Variants in TBC1D22A observed in about 807,000 individuals in gnomAD.
TBC1D22A encodes the protein TBC1 domain family member 22A.
In TBC1D22A, 38 loss-of-function variants were observed where a neutral mutation model predicts 60.2. The ratio of observed to expected loss-of-function variants is 0.63; its 90% CI spans 0.49 to 0.83. The LOEUF is 0.83. Ranked by LOEUF, TBC1D22A falls within the 40% of genes least tolerant of loss-of-function variation. The pLI is 0.00. For synonymous variants in TBC1D22A, 302 were observed against 281.7 expected, an observed-to-expected ratio of 1.07 and a Z score of -0.72; for missense variants, 628 against 701.0, an observed-to-expected ratio of 0.90 and a Z score of 1.18.
intron 5 of TBC1D22A, among the ~76,000 whole-genome samples, chr22:46,890,442 A>G (rs1380327047): frequency 6.6e-6 from 1 of 152,216 alleles, no homozygotes; most frequent in Admixed American, 6.5e-5. Context: ...ACCTTGTATC[A>G]GGTGTCATAA....
intron 7 of TBC1D22A, among the ~76,000 whole-genome samples, chr22:46,900,887 C>G (rs758955031): frequency 6.6e-6 from 1 of 152,192 alleles, no homozygotes; most frequent in Non-Finnish European, 1.5e-5. Context: ...AAGCAAACAT[C>G]CTGTTCTCAC....
chr22:46,873,275 A>G (rs372086630), intron 4 of TBC1D22A, among the ~76,000 whole-genome samples: 7 of 152,354 alleles, frequency 4.6e-5, no homozygotes, highest in African/African-American at 1.7e-4. Flanking sequence ...TGGCCAGTAA[A>G]CACATGAAAA....
intron 10 of TBC1D22A, among the ~76,000 whole-genome samples, chr22:47,015,128 A>G (rs1019488410): frequency 1.3e-5 from 2 of 152,220 alleles, no homozygotes; most frequent in African/African-American, 4.8e-5. Flanking sequence ...GGGGGCACAG[A>G]GCCACCGTCG....
In TBC1D22A at chr22:46,797,246, A is replaced by T. The variant is rs743144; in HGVS notation, c.461-198A>T. ...GCAAGGTGGTCCATTTTGTTGGTGA[A>T]TAATACTCTGCCAGTGAAGCGAGTG... On this transcript the variant is annotated intron_variant, in intron 3 of 12. Coordinates refer to ENST00000337137, the MANE Select transcript of TBC1D22A (RefSeq NM_014346.5). Among the ~76,000 whole-genome samples, 1,522 of 152,310 alleles carry T rather than the reference A, an allele frequency of 1.0e-2. 20 individuals are homozygous for T. The highest frequency in any genetic ancestry group is 0.035 in the African/African-American group (1,440 of 41,568).
At chr22:46,945,003 A>G (rs1351031583) in intron 8 of TBC1D22A, among the ~76,000 whole-genome samples, 1 of 152,222 alleles carries the variant, frequency 6.6e-6, no homozygotes, top group East Asian at 1.9e-4. Flanking sequence ...GATTGAAGGA[A>G]AATCTGGAAA....
chr22:46,775,007 A>T (rs2083643412), intron 1 of TBC1D22A, among the ~76,000 whole-genome samples: 1 of 152,256 alleles, frequency 6.6e-6, no homozygotes, highest in Admixed American at 6.5e-5. Context: ...AAACTAAAAA[A>T]TAAAATAGGC....
chr22:47,064,305 C>T (rs1464424986), intron 11 of TBC1D22A, among the ~76,000 whole-genome samples: 3 of 152,260 alleles, frequency 2.0e-5, no homozygotes, highest in East Asian at 1.9e-4. Flanking sequence ...GCGGTCATGC[C>T]GCTCTAAGCC....
intron 11 of TBC1D22A, among the ~76,000 whole-genome samples, chr22:47,080,620 T>TAAA (rs77313180): frequency 1.7e-5 from 2 of 115,440 alleles, no homozygotes; most frequent in African/African-American, 6.9e-5. Context: ...CATATACCTG[T>TAAA]AAAAATATAT....
intron 4 of TBC1D22A, among the ~76,000 whole-genome samples, chr22:46,807,959 C>A (rs1020986132): frequency 6.7e-6 from 1 of 149,314 alleles, no homozygotes; most frequent in African/African-American, 2.5e-5. Flanking sequence ...AGAGCAACAC[C>A]GTGTCTCTAA....
intron 10 of TBC1D22A, among the ~76,000 whole-genome samples, chr22:47,030,287 T>A (rs1044628089): frequency 3.9e-5 from 6 of 152,272 alleles, no homozygotes; most frequent in Non-Finnish European, 8.8e-5. Context: ...TGAGCCATTA[T>A]GCTGCTCTTC....
chr22:46,973,771 C>A (rs953146791), intron 8 of TBC1D22A, among the ~76,000 whole-genome samples: 3 of 152,134 alleles, frequency 2.0e-5, no homozygotes, highest in African/African-American at 2.4e-5. Flanking sequence ...TTATTTAGAG[C>A]GCCATTGTCT....
At chr22:46,977,862 T>C (rs1309971565) in intron 9 of TBC1D22A, among the ~76,000 whole-genome samples, 1 of 152,176 alleles carries the variant, frequency 6.6e-6, no homozygotes, top group Admixed American at 6.5e-5. Context: ...TGCTAACCCA[T>C]TAGAAACCGC....
At chr22:46,787,768 G>A (rs766837642) in intron 1 of TBC1D22A, among the ~76,000 whole-genome samples, 28 of 152,112 alleles carry the variant, frequency 1.8e-4, no homozygotes, top group Non-Finnish European at 4.0e-4. Flanking sequence ...AGAGGAGGCA[G>A]GTAGAGAACC....
Position 46,969,056 on chromosome 22 carries a change from A to AC in TBC1D22A, c.1016-5228dup, listed in dbSNP as rs1181640991. On this transcript the variant is annotated intron_variant, in intron 8 of 12. Coordinates refer to ENST00000337137, the MANE Select transcript of TBC1D22A (RefSeq NM_014346.5). ...GCCCTGCCCACTGGATGCCAGCAGC[A>AC]CCCCCCACCCTAATCATTCTGACCC... Among the ~76,000 whole-genome samples, 10 of 151,242 alleles carry AC rather than the reference A, an allele frequency of 6.6e-5. No homozygotes were observed. The East Asian group carries it at 1.8e-3, about 27-fold the overall frequency.
Position 47,028,221 on chromosome 22 carries a change from G to A in TBC1D22A, c.1202-8850G>A, listed in dbSNP as rs958075153. The stretch of plus-strand genomic sequence containing the variant: ...ACCTCTCTAGAGATGAAAAGATTGC[G>A]TGCTGTGGCGTCAGATAAACACCAT... On this transcript the variant is annotated intron_variant, in intron 10 of 12. Transcript: ENST00000337137. This position sits in a 1 kb window ranked among gnomAD's most constrained non-coding sequence, Gnocchi z 4.4. Among the ~76,000 whole-genome samples the A allele has an allele frequency of 2.0e-5, 3 of 152,204 alleles. No homozygotes were observed. The highest frequency in any genetic ancestry group is 7.2e-5 in the African/African-American group (3 of 41,434).
intron 5 of TBC1D22A, among the ~76,000 whole-genome samples, chr22:46,885,619 G>C (rs746265448): frequency 5.3e-5 from 8 of 152,186 alleles, no homozygotes; most frequent in Admixed American, 4.6e-4. Context: ...GCTCTGAGAC[G>C]GTTATCTGTG....
chr22:47,173,305 C>T (rs1443120183), intron 12 of TBC1D22A, among the ~76,000 whole-genome samples, 193 bp from the exon 13 acceptor site: 1 of 152,172 alleles, frequency 6.6e-6, no homozygotes, highest in Non-Finnish European at 1.5e-5. Flanking sequence ...CCTGGGTCAC[C>T]CACCCTCCAC....
chr22:47,161,813 G>A (rs748071952), intron 12 of TBC1D22A, among the ~76,000 whole-genome samples: 1 of 152,240 alleles, frequency 6.6e-6, no homozygotes, highest in African/African-American at 2.4e-5. Context: ...TCTAGCGTCC[G>A]CGAATACCCA....
chr22:46,816,672 T>A (rs1219646448), intron 4 of TBC1D22A, among the ~76,000 whole-genome samples: 3 of 152,208 alleles, frequency 2.0e-5, no homozygotes, highest in Non-Finnish European at 4.4e-5. Flanking sequence ...ATTCTTTTTT[T>A]TTCTTTTTTG....
Sources: gnomAD v4.1 joint callset for allele counts (sites outside exome capture counted in the v4.1 genomes callset) on GRCh38, gnomAD v4.1.1 for gene constraint, Gnocchi (gnomAD v3.1) non-coding constraint, MANE v1.5 for transcripts, NCBI Gene and HGNC (gene_info 2026-07-23, HGNC 2026-07-21) for gene names.